The following SMTNL2 variants were observed in gnomAD, a reference collection of about 807,000 sequenced individuals.
The protein encoded by SMTNL2 is smoothelin like 2.
SMTNL2 carries 43 observed loss-of-function variants against 44.1 expected under a neutral mutation model. That is an observed-to-expected ratio of 0.98 (90% confidence interval 0.76 to 1.26). The LOEUF (loss-of-function observed/expected upper bound fraction) is 1.26. SMTNL2 is among the 50% of genes most tolerant of loss of function. SMTNL2 has a pLI of 0.00. For missense variants in SMTNL2, 646 were observed against 670.2 expected (o/e 0.96, Z 0.40); for synonymous variants, 317 against 287.6 (o/e 1.10, Z -1.03).
intron 7 of SMTNL2, among the ~76,000 whole-genome samples, chr17:4,602,728 G>T (rs1910101395): frequency 6.6e-6 from 1 of 152,186 alleles, no homozygotes; most frequent in Non-Finnish European, 1.5e-5. Flanking sequence ...TTGAAGGTCT[G>T]CTGTGAGCTG....
intron 1 of SMTNL2, among the ~76,000 whole-genome samples, chr17:4,589,803 G>C: frequency 6.6e-6 from 1 of 151,670 alleles, no homozygotes; most frequent in East Asian, 1.9e-4. Context: ...GCCATCTCCT[G>C]TCCCCCAACC....
chr17:4,601,867 G>C (rs1365950779), intron 7 of SMTNL2, among the ~76,000 whole-genome samples: 1 of 151,776 alleles, frequency 6.6e-6, no homozygotes, highest in East Asian at 1.9e-4. Context: ...AAAAGCAGTT[G>C]TTGTTTTTTT....
chr17:4,584,661 G>A lies in SMTNL2; in HGVS notation c.56G>A (p.Arg19His), dbSNP rs1597406583. 9.4e-6 allele frequency: 12 copies of A among 1,274,688 alleles called. No individual in the cohort carries two copies. Among genetic ancestry groups the A allele is most frequent in the Non-Finnish European group, 1.2e-5 (12 of 1,013,886 alleles). The allele number at this position is 1,274,688 out of a possible 1,614,324, so 79.0% of individuals were successfully genotyped here. The change falls in exon 1 of 8, where the codon CGC (arginine) becomes CAC (histidine). Residue 19 changes from arginine (R) to histidine (H), a missense_variant. Coordinates refer to ENST00000389313, the MANE Select transcript of SMTNL2 (RefSeq NM_001114974.2). ...CGCACTGTGCGCGAGGCGCTGGGCC[G>A]CTACGAGGCGGCGCTGGAGGGTGCG... ...EARTVREALG[R>H]YEAALEGAVR...
chr17:4,592,307 G>C lies in SMTNL2; in HGVS notation c.400-54G>C. The stretch of plus-strand genomic sequence containing the variant: ...GATTTGGGGGTGGGCAGCTTTTGGG[G>C]GTGGGCAGCTGGCCCTAGCTGATGG... On this transcript the variant is annotated intron_variant, in intron 1 of 7. Coordinates refer to ENST00000389313, the MANE Select transcript of SMTNL2 (RefSeq NM_001114974.2). The surrounding 1 kb of genome is among the most constrained non-coding windows in gnomAD (Gnocchi z 4.5). 2 of 1,568,316 alleles carry C rather than the reference G, an allele frequency of 1.3e-6. No individual in the cohort carries two copies. The highest frequency in any genetic ancestry group is 1.4e-5 in the African/African-American group (1 of 73,908).
chr17:4,602,886 C>T (rs921296506), intron 7 of SMTNL2, among the ~76,000 whole-genome samples: 1 of 152,128 alleles, frequency 6.6e-6, no homozygotes, highest in African/African-American at 2.4e-5. Context: ...GTGACCCCTC[C>T]CTGCTCCCCT....
intron 7 of SMTNL2, among the ~76,000 whole-genome samples, chr17:4,606,834 C>T (rs764368029): frequency 3.3e-5 from 5 of 152,074 alleles, no homozygotes; most frequent in Non-Finnish European, 7.4e-5. Flanking sequence ...CACTCGAACC[C>T]GGGAGGCAGA....
rs1300276749 is a variant in SMTNL2 at position 4,595,351 on chromosome 17, G to A, written c.989+24G>A. 6.2e-7 allele frequency: 1 copy of A among 1,606,686 alleles called. No homozygotes were observed. Among genetic ancestry groups the A allele is most frequent in the South Asian group, 1.1e-5 (1 of 90,386 alleles). ...AAGTACGGATGCCCACTCACAGACA[G>A]GCCCGGCCCCACGGTGTGCCCAGAC... On this transcript the variant is annotated intron_variant, in intron 5 of 7. Coordinates refer to ENST00000389313, the MANE Select transcript of SMTNL2 (RefSeq NM_001114974.2). The surrounding 1 kb of genome is among the most constrained non-coding windows in gnomAD (Gnocchi z 5.1).
chr17:4,605,941 G>A (rs1449231828), intron 7 of SMTNL2, among the ~76,000 whole-genome samples: 1 of 152,150 alleles, frequency 6.6e-6, no homozygotes, highest in Admixed American at 6.5e-5. Flanking sequence ...GATGCGTCTT[G>A]ACTGTTGACG....
rs1273723577 is a variant in SMTNL2, at chr17:4,606,703, G to A, written c.1260-658G>A. ...GTGGATCACCTGAGGTCAGGAGATC[G>A]AGACCAGCCTGGCCAACATGGTGAA... On this transcript the variant is annotated intron_variant, in intron 7 of 7. Transcript: ENST00000389313. Among the ~76,000 whole-genome samples the A allele has an allele frequency of 2.6e-5, 4 of 151,736 alleles. No homozygotes were observed. In the East Asian group the frequency reaches 5.9e-4, roughly 22 times the overall value.
chr17:4,589,795 C>A (rs996792556), intron 1 of SMTNL2, among the ~76,000 whole-genome samples: 1 of 152,012 alleles, frequency 6.6e-6, no homozygotes, highest in Non-Finnish European at 1.5e-5. Context: ...TCTGCTAGGC[C>A]ATCTCCTGTC....
At chr17:4,588,145 T>A (rs1373369519) in intron 1 of SMTNL2, among the ~76,000 whole-genome samples, 2 of 152,084 alleles carry the variant, frequency 1.3e-5, no homozygotes, top group Non-Finnish European at 2.9e-5. Context: ...GTGTTGTGAG[T>A]GGAGGAGGGC....
intron 7 of SMTNL2, among the ~76,000 whole-genome samples, chr17:4,602,700 C>T (rs751259193): frequency 4.6e-5 from 7 of 152,124 alleles, no homozygotes; most frequent in Admixed American, 1.3e-4. Context: ...TCAGGTGATC[C>T]GTGGAAGGTG....
chr17:4,600,715 G>T lies in SMTNL2; in HGVS notation c.1259+3392G>T, dbSNP rs1909994446. Among the ~76,000 whole-genome samples the T allele has an allele frequency of 6.6e-6, 1 of 152,156 alleles. No homozygotes were observed. Among genetic ancestry groups the T allele is most frequent in the African/African-American group, 2.4e-5 (1 of 41,442 alleles). Reference sequence around the variant, plus strand: ...GAGGACCGGCCCCTTTTATGGAAGGGGCTGAGTCGGGCGGGCGCCTGACCC... The same window carrying T: ...GAGGACCGGCCCCTTTTATGGAAGGTGCTGAGTCGGGCGGGCGCCTGACCC... On this transcript the variant is annotated intron_variant, in intron 7 of 7. Coordinates refer to ENST00000389313, the MANE Select transcript of SMTNL2 (RefSeq NM_001114974.2). The surrounding 1 kb of genome is among the most constrained non-coding windows in gnomAD (Gnocchi z 4.7).
At chr17:4,604,486 C>T (rs1910185101) in intron 7 of SMTNL2, among the ~76,000 whole-genome samples, 2 of 152,164 alleles carry the variant, frequency 1.3e-5, no homozygotes, top group Non-Finnish European at 2.9e-5. Flanking sequence ...AGCACACAGC[C>T]GCGTGAGTCC....
chr17:4,602,311 CTTTTTTTTTTTTTT>C (rs35927212), intron 7 of SMTNL2, among the ~76,000 whole-genome samples: 19 of 43,760 alleles, frequency 4.3e-4, no homozygotes, highest in African/African-American at 2.0e-4. Context: ...AAGGCAGGTG[CTTTTTTTTTTTTTT>C]TTTTTTTTTT....
At chr17:4,586,656 G>C (rs1361239524) in intron 1 of SMTNL2, among the ~76,000 whole-genome samples, 1 of 152,196 alleles carries the variant, frequency 6.6e-6, no homozygotes, top group African/African-American at 2.4e-5. Flanking sequence ...GGTCTTCTTT[G>C]TGTCTGGCAA....
At position 4,591,194 on chromosome 17, in the gene SMTNL2, A is replaced by G. The variant is rs555060566; in HGVS notation, c.400-1167A>G. On this transcript the variant is annotated intron_variant, in intron 1 of 7. Transcript: ENST00000389313. ...GCTCCCCTCCCAGACTGATTCCCCAATGGCAGGGTGGCACCTCCCGCACTG... is the reference window on the plus strand; with the variant it reads ...GCTCCCCTCCCAGACTGATTCCCCAGTGGCAGGGTGGCACCTCCCGCACTG... 4.6e-5 allele frequency among the ~76,000 whole-genome samples: 7 copies of G among 152,270 alleles called. No individual in the cohort carries two copies. In the East Asian group the frequency reaches 7.7e-4, roughly 17 times the overall value.
Position 4,591,722 on chromosome 17 carries a change from C to T in SMTNL2, c.400-639C>T, listed in dbSNP as rs575935605. ...CAGGTCACATGGGTGGGTGGCAGCA[C>T]AGCCTGGATCCCAGGCTCCCCACTG... is the stretch of plus-strand genomic sequence containing the variant. On this transcript the variant is annotated intron_variant, in intron 1 of 7. Coordinates refer to ENST00000389313, the MANE Select transcript of SMTNL2 (RefSeq NM_001114974.2). Among the ~76,000 whole-genome samples the T allele has an allele frequency of 3.3e-5, 5 of 152,314 alleles. No homozygotes were observed. In the East Asian group the frequency reaches 9.7e-4, roughly 29 times the overall value.
intron 1 of SMTNL2, among the ~76,000 whole-genome samples, chr17:4,588,099 C>T (rs902090500): frequency 6.6e-6 from 1 of 152,220 alleles, no homozygotes; most frequent in African/African-American, 2.4e-5. Flanking sequence ...GAGTTAAATG[C>T]TTTAGGGAGA....
Sources: allele counts gnomAD v4.1 joint callset (sites outside exome capture counted in the v4.1 genomes callset), GRCh38; gene constraint gnomAD v4.1.1; non-coding constraint Gnocchi (gnomAD v3.1); transcripts MANE v1.5; gene names NCBI Gene and HGNC (gene_info 2026-07-23, HGNC 2026-07-21).